Variants in ERC1 observed in about 807,000 individuals in gnomAD.
ERC1 encodes RAB6 interacting protein 2.
Under a neutral mutation model 132.0 loss-of-function variants are expected in ERC1, and 56 were observed. The ratio of observed to expected loss-of-function variants is 0.42; its 90% CI spans 0.34 to 0.53. The LOEUF is 0.53. Ranked by LOEUF, ERC1 falls within the 20% of genes least tolerant of loss-of-function variation. ERC1 has a pLI of 0.03. For synonymous variants in ERC1, 478 were observed against 476.1 expected (o/e 1.00, Z -0.05); for missense variants, 1,202 against 1,349.9 (o/e 0.89, Z 1.72).
At chr12:1,431,539 G>A (rs2092797214) in intron 17 of ERC1, among the ~76,000 whole-genome samples, 1 of 152,186 alleles carries the variant, frequency 6.6e-6, no homozygotes, top group Non-Finnish European at 1.5e-5. Context: ...ATTTTAATTA[G>A]TATCACTTTT....
At chr12:1,278,922 A>G (rs1277095068) in intron 14 of ERC1, among the ~76,000 whole-genome samples, 1 of 152,122 alleles carries the variant, frequency 6.6e-6, no homozygotes, top group Non-Finnish European at 1.5e-5. Flanking sequence ...GTATACTTGA[A>G]AAAGAAAGCA....
At chr12:1,426,283 T>C (rs2092636711) in intron 17 of ERC1, among the ~76,000 whole-genome samples, 1 of 152,130 alleles carries the variant, frequency 6.6e-6, no homozygotes, top group Non-Finnish European at 1.5e-5. Context: ...TTTTGTATTC[T>C]TAGTAGAGAC....
At chr12:1,408,773 T>C (rs1197502930) in intron 17 of ERC1, among the ~76,000 whole-genome samples, 1 of 152,198 alleles carries the variant, frequency 6.6e-6, no homozygotes, top group African/African-American at 2.4e-5. Flanking sequence ...TTAAGGAAAA[T>C]TGTTGCCTTC....
At chr12:1,314,415 A>G (rs1464418770) in intron 15 of ERC1, among the ~76,000 whole-genome samples, 1 of 152,260 alleles carries the variant, frequency 6.6e-6, no homozygotes, top group African/African-American at 2.4e-5. Context: ...TGTAATACCC[A>G]GTGGCAATAA....
At chr12:1,092,067 C>T (rs988720060) in intron 3 of ERC1, among the ~76,000 whole-genome samples, 6 of 149,590 alleles carry the variant, frequency 4.0e-5, no homozygotes, top group African/African-American at 4.9e-5. Context: ...GGTGCGATCT[C>T]GGCTCACTGC....
chr12:1,282,728 C>G (rs1264974517), intron 14 of ERC1, among the ~76,000 whole-genome samples: 1 of 152,232 alleles, frequency 6.6e-6, no homozygotes, highest in Non-Finnish European at 1.5e-5. Context: ...TGCTCCTCCA[C>G]TCAAGAGCTT....
intron 17 of ERC1, among the ~76,000 whole-genome samples, chr12:1,431,392 T>C (rs2092793285): frequency 6.6e-6 from 1 of 152,234 alleles, no homozygotes; most frequent in Admixed American, 6.5e-5. Context: ...TTCACAGATA[T>C]TTAATTCAGG....
chr12:1,294,683 A>C (rs2079775933), intron 15 of ERC1, among the ~76,000 whole-genome samples: 1 of 152,246 alleles, frequency 6.6e-6, no homozygotes, highest in African/African-American at 2.4e-5. Flanking sequence ...TGAATCATTT[A>C]AAAGGTTAAT....
chr12:1,253,239 T>G (rs2076575060), intron 13 of ERC1, among the ~76,000 whole-genome samples: 1 of 152,194 alleles, frequency 6.6e-6, no homozygotes. Flanking sequence ...AGATCTACCA[T>G]CATCAAGTAG....
At chr12:1,474,721 C>T (rs1291831234) in intron 18 of ERC1, among the ~76,000 whole-genome samples, 3 of 152,188 alleles carry the variant, frequency 2.0e-5, no homozygotes, top group Admixed American at 1.3e-4. Flanking sequence ...TGGCAGTTAT[C>T]CTAACACTCA....
chr12:1,180,440 A>G lies in ERC1; in HGVS notation c.1738-100A>G. ...TTCTACAGAATGCACACACACAGAC[A>G]ACCCTGAGCTATCTGTTTTCAAATT... is the stretch of plus-strand genomic sequence containing the variant. On this transcript the variant is annotated intron_variant, in intron 8 of 18. Transcript: ENST00000360905. The G allele has an allele frequency of 5.6e-6, 6 of 1,074,320 alleles. No individual in the cohort carries two copies. In the South Asian group the frequency reaches 9.3e-5, roughly 17 times the overall value. The allele number at this position is 1,074,320 out of a possible 1,614,324, so 66.5% of individuals were successfully genotyped here. A position where few individuals can be genotyped will look rare whatever the true frequency, so the allele number is the denominator to read the frequency against.
chr12:1,324,448 G>A (rs1040509056), intron 15 of ERC1, among the ~76,000 whole-genome samples: 5 of 152,150 alleles, frequency 3.3e-5, no homozygotes, highest in Non-Finnish European at 7.4e-5. Context: ...TGTCAGAAGT[G>A]TAACTTATCA....
chr12:1,391,790 C>T (rs2089982159), intron 16 of ERC1, among the ~76,000 whole-genome samples: 1 of 152,162 alleles, frequency 6.6e-6, no homozygotes, highest in Non-Finnish European at 1.5e-5. Flanking sequence ...CCTTTGGAGG[C>T]TTCTTTGGCT....
chr12:1,474,421 C>T (rs949505837), intron 18 of ERC1, among the ~76,000 whole-genome samples: 11 of 152,200 alleles, frequency 7.2e-5, no homozygotes, highest in Non-Finnish European at 8.8e-5. Flanking sequence ...CCTTTCACCT[C>T]ATGCTTTGTG....
At chr12:1,048,237 T>C (rs1971388311) in intron 2 of ERC1, among the ~76,000 whole-genome samples, 1 of 152,174 alleles carries the variant, frequency 6.6e-6, no homozygotes, top group African/African-American at 2.4e-5. Flanking sequence ...GTGTTAGTGG[T>C]TTTTCTTCCT....
chr12:1,420,156 T>C (rs1017760017), intron 17 of ERC1, among the ~76,000 whole-genome samples: 3 of 152,192 alleles, frequency 2.0e-5, no homozygotes, highest in African/African-American at 7.2e-5. Flanking sequence ...TAATTTATTA[T>C]TTTTAAATGT....
intron 14 of ERC1, among the ~76,000 whole-genome samples, chr12:1,281,564 T>A (rs1011689706): frequency 2.6e-5 from 4 of 152,210 alleles, no homozygotes; most frequent in African/African-American, 9.6e-5. Context: ...ATTACTTAGA[T>A]TATTTCTGTC....
At chr12:1,218,833 T>TATAC (rs1196071256) in intron 12 of ERC1, among the ~76,000 whole-genome samples, 1 of 148,492 alleles carries the variant, frequency 6.7e-6, no homozygotes, top group East Asian at 2.0e-4. Context: ...TATATATATA[T>TATAC]ACACACACAC....
intron 13 of ERC1, among the ~76,000 whole-genome samples, chr12:1,258,850 A>G (rs2076969080): frequency 6.6e-6 from 1 of 152,228 alleles, no homozygotes; most frequent in Non-Finnish European, 1.5e-5. Context: ...ACAATGATGT[A>G]TAATCCATAC....
Sources: allele counts gnomAD v4.1 joint callset (sites outside exome capture counted in the v4.1 genomes callset), GRCh38; gene constraint gnomAD v4.1.1; transcripts MANE v1.5; gene names NCBI Gene and HGNC (gene_info 2026-07-23, HGNC 2026-07-21).